KCNN3: variants seen among roughly 807,000 people sequenced by gnomAD.
The protein encoded by KCNN3 is small conductance calcium-activated potassium channel protein 3.
A neutral mutation model predicts 62.9 loss-of-function variants in KCNN3; 16 were observed. That is an observed-to-expected ratio of 0.25 (90% confidence interval 0.17 to 0.39). The LOEUF is 0.39. KCNN3 is among the 10% of genes least tolerant of loss of function. KCNN3 has a pLI of 1.00. For synonymous variants in KCNN3, 370 were observed against 389.2 expected, an observed-to-expected ratio of 0.95 and a Z score of 0.58; for missense variants, 599 against 949.4, an observed-to-expected ratio of 0.63 and a Z score of 4.85.
In KCNN3 at chr1:154,748,317, T is replaced by A. The variant is rs545196021; in HGVS notation, c.1449-15173A>T. Among the ~76,000 whole-genome samples the A allele has an allele frequency of 2.0e-5, 3 of 152,308 alleles. No individual in the cohort carries two copies. In the East Asian group the frequency reaches 5.8e-4, roughly 29 times the overall value. ...CGCCTGCAAGCTTTCTCTCTCCTGG[T>A]TGAGCCTTTCCCGACATCTGCCATC... On this transcript the variant is annotated intron_variant, in intron 3 of 7. Coordinates refer to ENST00000271915, the MANE Select transcript of KCNN3 (RefSeq NM_002249.6).
chr1:154,863,533 C>A (rs530629494), intron 1 of KCNN3, among the ~76,000 whole-genome samples: 2 of 152,190 alleles, frequency 1.3e-5, no homozygotes, highest in South Asian at 2.1e-4. Context: ...TTTTCTCCCC[C>A]AAATGTGCTT....
intron 3 of KCNN3, among the ~76,000 whole-genome samples, chr1:154,764,499 G>A (rs1255665344): frequency 1.3e-5 from 2 of 152,100 alleles, no homozygotes; most frequent in African/African-American, 4.8e-5. Context: ...TGATGCTACT[G>A]TTATTCTTGT....
At position 154,708,070 on chromosome 1, in the gene KCNN3, G is replaced by A. The variant is rs756801201; in HGVS notation, c.2102C>T (p.Ala701Val). The change falls in exon 8 of 8, where the codon GCA (alanine) becomes GTA (valine). Residue 701 changes from alanine (A) to valine (V), a missense_variant. Around this residue, in one of 7 missense-constraint regions of KCNN3, gnomAD observed 52 missense variants for 53.3 expected, o/e 0.98. Coordinates refer to ENST00000271915, the MANE Select transcript of KCNN3 (RefSeq NM_002249.6). ...GATTGGGGTGTGGGTGGTGCCCACTGCCACGCTGACACCCCGGGCCTCGAT... is the reference window on the plus strand; with the variant it reads ...GATTGGGGTGTGGGTGGTGCCCACTACCACGCTGACACCCCGGGCCTCGAT... ...AIIEARGVSV[A>V]VGTTHTPISD... 6.2e-7 allele frequency: 1 copy of A among 1,613,712 alleles called. No individual in the cohort carries two copies. The highest frequency in any genetic ancestry group is 2.2e-5 in the East Asian group (1 of 44,870).
intron 3 of KCNN3, among the ~76,000 whole-genome samples, chr1:154,771,356 T>G (rs942133624): frequency 2.0e-5 from 3 of 152,166 alleles, no homozygotes; most frequent in South Asian, 4.1e-4. Flanking sequence ...GTTCCATCAG[T>G]ACAGTGCTTC....
intron 2 of KCNN3, among the ~76,000 whole-genome samples, chr1:154,808,257 C>T (rs1174652299): frequency 1.3e-5 from 2 of 152,166 alleles, no homozygotes; most frequent in African/African-American, 4.8e-5. Flanking sequence ...GGCTCCAGCC[C>T]TTCTTTCTAT....
chr1:154,738,452 G>A (rs1346309399), intron 3 of KCNN3, among the ~76,000 whole-genome samples: 7 of 152,202 alleles, frequency 4.6e-5, no homozygotes, highest in African/African-American at 1.7e-4. Flanking sequence ...GATACGTAAG[G>A]TTGTCACGGG....
At chr1:154,743,126 TCCAGCCCCACCCTCTCACCTGGA>T (rs1415517970) in intron 3 of KCNN3, among the ~76,000 whole-genome samples, 4 of 150,158 alleles carry the variant, frequency 2.7e-5, no homozygotes, top group Non-Finnish European at 5.9e-5. Flanking sequence ...TCTCACCTTG[TCCAGCCCCACCCTCTCACCTGGA>T]CCAGCCCCAT....
At chr1:154,760,603 G>C (rs1647959036) in intron 3 of KCNN3, among the ~76,000 whole-genome samples, 1 of 152,168 alleles carries the variant, frequency 6.6e-6, no homozygotes, top group Admixed American at 6.5e-5. Flanking sequence ...GCGCCCCCTG[G>C]CGGAGCGAGC....
intron 1 of KCNN3, among the ~76,000 whole-genome samples, chr1:154,844,253 A>C (rs1287650903): frequency 3.3e-5 from 5 of 152,378 alleles, no homozygotes; most frequent in East Asian, 3.9e-4. Context: ...TCAGGCTTTT[A>C]GACTTTATAA....
intron 3 of KCNN3, among the ~76,000 whole-genome samples, chr1:154,757,526 A>G (rs1049856905): frequency 6.6e-6 from 1 of 152,214 alleles, no homozygotes; most frequent in African/African-American, 2.4e-5. Context: ...AACTGTCAAG[A>G]GTGCCCAATC....
rs1553242214 is a variant in KCNN3 at position 154,869,748 on chromosome 1, G to GCTGCTGCTGCTGCTGCTGCTT, written c.216_217insAAGCAGCAGCAGCAGCAGCAG (p.Gln72_Gln73insLysGlnGlnGlnGlnGlnGln). On this transcript the variant is annotated inframe_insertion, in exon 1 of 8. Coordinates refer to ENST00000271915, the MANE Select transcript of KCNN3 (RefSeq NM_002249.6). This position sits in a 1 kb window ranked among gnomAD's most constrained non-coding sequence, Gnocchi z 6.1. Reference sequence around the variant, plus strand: ...GGCTGCTGCTGCTGCTGCTGCTGCTGCTGCTGCTGCTGCTGCTGAAGCTGC... The same window carrying GCTGCTGCTGCTGCTGCTGCTT: ...GGCTGCTGCTGCTGCTGCTGCTGCTGCTGCTGCTGCTGCTGCTGCTTCTGCTGCTGCTGCTGCTGAAGCTGC... The GCTGCTGCTGCTGCTGCTGCTT allele has an allele frequency of 2.6e-6, 4 of 1,524,044 alleles. No homozygotes were observed. Among genetic ancestry groups the GCTGCTGCTGCTGCTGCTGCTT allele is most frequent in the Non-Finnish European group, 2.7e-6 (3 of 1,129,112 alleles). The allele number at this position is 1,524,044 out of a possible 1,614,324, so 94.4% of individuals were successfully genotyped here.
At chr1:154,859,603 G>GA (rs1373158685) in intron 1 of KCNN3, 15 of 1,277,168 alleles carry the variant, frequency 1.2e-5, no homozygotes, top group African/African-American at 2.9e-5. Flanking sequence ...CAAAGCCACT[G>GA]ACAGGTCAGC....
intron 3 of KCNN3, among the ~76,000 whole-genome samples, chr1:154,758,257 G>C (rs531535488): frequency 6.6e-6 from 1 of 152,330 alleles, no homozygotes; most frequent in South Asian, 2.1e-4. Flanking sequence ...AAGGTTAATG[G>C]TAGAACCAGG....
chr1:154,759,556 C>CA (rs1295342273), intron 3 of KCNN3, among the ~76,000 whole-genome samples: 1 of 152,232 alleles, frequency 6.6e-6, no homozygotes, highest in Non-Finnish European at 1.5e-5. Flanking sequence ...TGCCCTTAGG[C>CA]ATCCGCTGTA....
chr1:154,758,824 T>TTGTTTTTG (rs143684112), intron 3 of KCNN3, among the ~76,000 whole-genome samples: 7,561 of 152,074 alleles, frequency 0.05, 207 homozygotes, highest in Non-Finnish European at 0.07. Context: ...GTTTTTGTTT[T>TTGTTTTTG]TGAGATGGAG....
At chr1:154,794,810 C>T (rs796069839) in intron 2 of KCNN3, among the ~76,000 whole-genome samples, 2 of 152,178 alleles carry the variant, frequency 1.3e-5, no homozygotes, top group African/African-American at 4.8e-5. Flanking sequence ...ATGCTGGGAT[C>T]GATTGGTTAT....
At chr1:154,856,524 C>T (rs1287766290) in intron 1 of KCNN3, among the ~76,000 whole-genome samples, 2 of 152,124 alleles carry the variant, frequency 1.3e-5, no homozygotes, top group Admixed American at 6.5e-5. Flanking sequence ...CTCTCACTCT[C>T]TAGATGACAA....
intron 3 of KCNN3, among the ~76,000 whole-genome samples, chr1:154,768,144 A>C (rs1172027285): frequency 6.6e-6 from 1 of 152,314 alleles, no homozygotes; most frequent in East Asian, 1.9e-4. Context: ...AGGTGATAGA[A>C]TCATCATTAG....
At chr1:154,787,319 G>A (rs1260778822) in intron 2 of KCNN3, among the ~76,000 whole-genome samples, 1 of 152,202 alleles carries the variant, frequency 6.6e-6, no homozygotes, top group Admixed American at 6.5e-5. Flanking sequence ...CTCCATTTGG[G>A]AGGGAGGGAC....
Sources: allele counts gnomAD v4.1 joint callset (sites outside exome capture counted in the v4.1 genomes callset), GRCh38; gene constraint gnomAD v4.1.1; regional missense constraint gnomAD v4.1.1; non-coding constraint Gnocchi (gnomAD v3.1); transcripts MANE v1.5; gene names NCBI Gene and HGNC (gene_info 2026-07-23, HGNC 2026-07-21).